The following PRKCI variants were observed in gnomAD, a reference collection of about 807,000 sequenced individuals.
PRKCI encodes the protein protein kinase C iota.
In PRKCI, 43 loss-of-function variants were observed where a neutral mutation model predicts 84.0. The ratio of observed to expected loss-of-function variants is 0.51; its 90% CI spans 0.40 to 0.66. PRKCI has a LOEUF of 0.66. Ranked by LOEUF, PRKCI falls within the 30% of genes least tolerant of loss-of-function variation. PRKCI has a pLI of 0.00. For synonymous variants in PRKCI, 216 were observed against 234.4 expected, an observed-to-expected ratio of 0.92 and a Z score of 0.72; for missense variants, 459 against 745.6, an observed-to-expected ratio of 0.62 and a Z score of 4.48.
In PRKCI at chr3:170,281,844, T is replaced by C. The variant is rs190898481; in HGVS notation, c.981-38T>C. 3.5e-5 allele frequency: 55 copies of C among 1,558,230 alleles called. No homozygotes were observed. In the African/African-American group the frequency reaches 6.9e-4, roughly 20 times the overall value. On this transcript the variant is annotated intron_variant, in intron 10 of 17. Transcript: ENST00000295797. ...AAATGCAAAGTTACACTACCTTATT[T>C]TGGATCTTGATTTCATGGGTTCTCT...
intron 6 of PRKCI, among the ~76,000 whole-genome samples, chr3:170,271,427 T>G (rs888991198): frequency 2.0e-5 from 3 of 152,222 alleles, no homozygotes; most frequent in Admixed American, 6.5e-5. Flanking sequence ...AAATTCTTTA[T>G]GTCAAATATC....
intron 1 of PRKCI, among the ~76,000 whole-genome samples, chr3:170,224,240 G>A (rs949143158): frequency 6.6e-6 from 1 of 151,972 alleles, no homozygotes; most frequent in Admixed American, 6.6e-5. Context: ...TTTATTATTA[G>A]CTTGACTGTA....
At chr3:170,244,378 A>G (rs555639183) in intron 2 of PRKCI, among the ~76,000 whole-genome samples, 4 of 152,232 alleles carry the variant, frequency 2.6e-5, no homozygotes, top group African/African-American at 9.6e-5. Context: ...CCCCCTTAAG[A>G]ACTCAAAATG....
At chr3:170,259,200 T>C (rs1271753658) in intron 2 of PRKCI, among the ~76,000 whole-genome samples, 1 of 152,108 alleles carries the variant, frequency 6.6e-6, no homozygotes, top group Non-Finnish European at 1.5e-5. Flanking sequence ...GTATTTGGGA[T>C]ATATACAATG....
intron 14 of PRKCI, 39 bp downstream of exon 14, chr3:170,293,547 C>G: frequency 6.3e-7 from 1 of 1,594,454 alleles, no homozygotes. Flanking sequence ...CTGAGAAAAA[C>G]CTATTCTAGA....
chr3:170,258,092 A>G (rs148396425), intron 2 of PRKCI, among the ~76,000 whole-genome samples: 3,436 of 152,132 alleles, frequency 0.023, 55 homozygotes, highest in Admixed American at 0.041. Context: ...GCAGTGGTCA[A>G]GTGGGAGAAA....
chr3:170,225,403 A>T (rs1240680727), intron 1 of PRKCI, among the ~76,000 whole-genome samples: 1 of 152,236 alleles, frequency 6.6e-6, no homozygotes, highest in African/African-American at 2.4e-5. Context: ...GATAGTTAAT[A>T]AACAGGTTGG....
chr3:170,245,955 T>TTG (rs1553837918), intron 2 of PRKCI, among the ~76,000 whole-genome samples: 52 of 143,244 alleles, frequency 3.6e-4, no homozygotes, highest in African/African-American at 1.3e-3. Context: ...CTTTGTTTTT[T>TTG]TTTTTTTTTT....
At chr3:170,284,252 A>G (rs1734320460) in intron 11 of PRKCI, among the ~76,000 whole-genome samples, 1 of 152,148 alleles carries the variant, frequency 6.6e-6, no homozygotes, top group African/African-American at 2.4e-5. Flanking sequence ...AGCTTTATGA[A>G]AAATGTGAGT....
intron 17 of PRKCI, among the ~76,000 whole-genome samples, chr3:170,300,770 T>G (rs997729298): frequency 4.6e-5 from 7 of 152,058 alleles, no homozygotes; most frequent in African/African-American, 1.7e-4. Flanking sequence ...AATCAATTTC[T>G]TAATTTCTAA....
chr3:170,255,194 G>A (rs1047521280), intron 2 of PRKCI, among the ~76,000 whole-genome samples: 2 of 151,446 alleles, frequency 1.3e-5, no homozygotes, highest in South Asian at 4.2e-4. Flanking sequence ...CCGAGTAGCT[G>A]GGATTACAGG....
intron 2 of PRKCI, among the ~76,000 whole-genome samples, chr3:170,247,418 A>G (rs1733312802): frequency 6.6e-6 from 1 of 150,680 alleles, no homozygotes. Context: ...GTCTATTCCT[A>G]TTACTTCATC....
intron 1 of PRKCI, among the ~76,000 whole-genome samples, chr3:170,223,177 C>T (rs1732538966): frequency 1.3e-5 from 2 of 152,138 alleles, no homozygotes. Context: ...GGATAGAAAA[C>T]GGGACTTCTT....
intron 4 of PRKCI, among the ~76,000 whole-genome samples, chr3:170,264,146 G>A (rs1733802399): frequency 6.6e-6 from 1 of 150,714 alleles, no homozygotes; most frequent in African/African-American, 2.4e-5. Flanking sequence ...TGCATGCACA[G>A]TTATACATAA....
Position 170,280,388 on chromosome 3 carries a change from T to G in PRKCI, c.867T>G (p.Leu289=). ...IYAMKVVKKE[L]VNDDEDIDWV... ...CAATGAAAGTTGTGAAAAAAGAGCTTGTTAATGATGATGAGGTAAGCACTG... is the reference window on the plus strand; with the variant it reads ...CAATGAAAGTTGTGAAAAAAGAGCTGGTTAATGATGATGAGGTAAGCACTG... Residue 289 remains leucine, a synonymous_variant, in exon 9 of 18, where the codon CTT becomes CTG. Coordinates refer to ENST00000295797, the MANE Select transcript of PRKCI (RefSeq NM_002740.6). 6.2e-7 allele frequency: 1 copy of G among 1,613,438 alleles called. No homozygotes were observed. Among genetic ancestry groups the G allele is most frequent in the South Asian group, 1.1e-5 (1 of 91,006 alleles).
intron 2 of PRKCI, among the ~76,000 whole-genome samples, chr3:170,237,984 A>G (rs1401147779): frequency 6.6e-6 from 1 of 152,186 alleles, no homozygotes; most frequent in Non-Finnish European, 1.5e-5. Flanking sequence ...GACAAATGAC[A>G]TACAGCTGAT....
intron 4 of PRKCI, among the ~76,000 whole-genome samples, chr3:170,265,654 G>A (rs985569735): frequency 1.4e-5 from 2 of 147,940 alleles, no homozygotes; most frequent in African/African-American, 2.5e-5. Context: ...TTGCTCTGTC[G>A]CCCAGGCTGG....
intron 4 of PRKCI, among the ~76,000 whole-genome samples, chr3:170,263,723 G>A (rs1002286319): frequency 2.0e-5 from 3 of 152,078 alleles, no homozygotes; most frequent in African/African-American, 7.2e-5. Flanking sequence ...CTTGAGCCCA[G>A]GAGTTTGAGG....
rs915576761 is a variant in PRKCI, at chr3:170,222,574, G to A, written c.-96G>A. 4 of 1,101,944 alleles carry A rather than the reference G, an allele frequency of 3.6e-6. No individual in the cohort carries two copies. The African/African-American group carries it at 6.6e-5, about 18-fold the overall frequency. The allele number at this position is 1,101,944 out of a possible 1,614,324, so 68.3% of individuals were successfully genotyped here. On this transcript the variant is annotated 5_prime_UTR_variant, in exon 1 of 18. Coordinates refer to ENST00000295797, the MANE Select transcript of PRKCI (RefSeq NM_002740.6). ...GGCAGGTAGGTGGGCGGACGGCCGC[G>A]GTTCTCCGGCAAGCGCAGGCGGCGG... is the stretch of plus-strand genomic sequence containing the variant.
Sources: gnomAD v4.1 joint callset for allele counts (sites outside exome capture counted in the v4.1 genomes callset) on GRCh38, gnomAD v4.1.1 for gene constraint, MANE v1.5 for transcripts, NCBI Gene and HGNC (gene_info 2026-07-23, HGNC 2026-07-21) for gene names.